Variants in AKT3 observed in about 807,000 individuals in gnomAD.
The protein encoded by AKT3 is AKT serine/threonine kinase 3.
A neutral mutation model predicts 65.3 loss-of-function variants in AKT3; 15 were observed. That is an observed-to-expected ratio of 0.23 (90% CI 0.15 to 0.35). The LOEUF (loss-of-function observed/expected upper bound fraction) is 0.35, where lower values mean the gene tolerates loss of function less well. AKT3 is among the 10% of genes least tolerant of loss of function. AKT3 has a pLI of 1.00. For synonymous variants in AKT3, 206 were observed against 183.8 expected (o/e 1.12, Z -0.98); for missense variants, 243 against 576.5 (o/e 0.42, Z 5.92).
At chr1:243,776,433 C>G (rs1690552506) in intron 2 of AKT3, among the ~76,000 whole-genome samples, 1 of 152,038 alleles carries the variant, frequency 6.6e-6, no homozygotes. Flanking sequence ...GGGCCCTCAC[C>G]CTCATAAGAG....
intron 1 of AKT3, among the ~76,000 whole-genome samples, chr1:243,848,646 T>C (rs2148488209): frequency 6.6e-6 from 1 of 152,330 alleles, no homozygotes; most frequent in South Asian, 2.1e-4. Flanking sequence ...AAGACATATA[T>C]GACCATGCTT....
At chr1:243,621,085 T>A (rs1225854113) in intron 6 of AKT3, among the ~76,000 whole-genome samples, 1 of 152,142 alleles carries the variant, frequency 6.6e-6, no homozygotes, top group African/African-American at 2.4e-5. Context: ...GATGGTTGTT[T>A]CAAATCTTTC....
chr1:243,848,816 ACTTT>A (rs1337706884), intron 1 of AKT3, among the ~76,000 whole-genome samples: 4 of 152,250 alleles, frequency 2.6e-5, no homozygotes, highest in Admixed American at 2.6e-4. Context: ...TTCACTGTTG[ACTTT>A]CTATTTGGAA....
chr1:243,556,371 A>G (rs937776553), intron 10 of AKT3, among the ~76,000 whole-genome samples: 2 of 151,978 alleles, frequency 1.3e-5, no homozygotes, highest in Non-Finnish European at 2.9e-5. Context: ...GTAAATATTT[A>G]TTTGGCTAAT....
chr1:243,716,149 T>C (rs1254183009), intron 2 of AKT3, among the ~76,000 whole-genome samples: 3 of 152,144 alleles, frequency 2.0e-5, no homozygotes, highest in Non-Finnish European at 4.4e-5. Context: ...AGAATTCTTC[T>C]TCATATAATC....
chr1:243,603,534 T>C (rs1254293705), intron 8 of AKT3, among the ~76,000 whole-genome samples: 1 of 152,212 alleles, frequency 6.6e-6, no homozygotes, highest in Non-Finnish European at 1.5e-5. Context: ...TACTCTGGCA[T>C]TTCCAGGCAC....
intron 2 of AKT3, among the ~76,000 whole-genome samples, chr1:243,710,009 A>G (rs1259757274): frequency 6.6e-6 from 1 of 152,176 alleles, no homozygotes; most frequent in Non-Finnish European, 1.5e-5. Context: ...AACACATTAA[A>G]AAATTTAAGC....
chr1:243,672,735 T>C (rs564396763), intron 3 of AKT3, among the ~76,000 whole-genome samples: 1 of 152,338 alleles, frequency 6.6e-6, no homozygotes, highest in East Asian at 1.9e-4. Context: ...TTTTTCTTCT[T>C]TGAATATGGT....
intron 2 of AKT3, among the ~76,000 whole-genome samples, chr1:243,809,755 T>TA (rs1177557021): frequency 1.3e-5 from 2 of 152,206 alleles, no homozygotes; most frequent in Non-Finnish European, 2.9e-5. Context: ...ACACTACACT[T>TA]ATTCCAAAAT....
intron 13 of AKT3, among the ~76,000 whole-genome samples, chr1:243,508,354 G>A (rs1669801228): frequency 6.6e-6 from 1 of 152,244 alleles, no homozygotes; most frequent in South Asian, 2.1e-4. Flanking sequence ...CCAGTGCTGA[G>A]CGCTGCGCTC....
rs1679040606 is a variant in AKT3 at position 243,624,968 on chromosome 1, C to T, written c.562-9807G>A. 4.1e-5 allele frequency: 13 copies of T among 314,958 alleles called. No homozygotes were observed. In the South Asian group the frequency reaches 4.6e-4, roughly 11 times the overall value. 19.5% of individuals were successfully genotyped at this position (314,958 alleles called of 1,614,324 possible). A position where few individuals can be genotyped will look rare whatever the true frequency, so the allele number is the denominator to read the frequency against. ...TTGGTTTGTCCACATTTCCCACCTG[C>T]CTAGTGACAAAGCCCATCCCTAGAG... On this transcript the variant is annotated intron_variant, in intron 6 of 13. Transcript: ENST00000673466.
In AKT3 at chr1:243,614,982, C is replaced by T. The variant is rs114952562; in HGVS notation, c.627+114G>A. ...TAAGAAATTTGACTTACGTTCTTTCCACAAAGAAAATGAGATATCTAAATG... is the reference window on the plus strand; with the variant it reads ...TAAGAAATTTGACTTACGTTCTTTCTACAAAGAAAATGAGATATCTAAATG... On this transcript the variant is annotated intron_variant, in intron 7 of 13. Transcript: ENST00000673466. 3,051 of 802,448 alleles carry T rather than the reference C, an allele frequency of 3.8e-3. 53 individuals carry two copies. In the African/African-American group the frequency reaches 0.042, roughly 11 times the overall value. The allele number at this position is 802,448 out of a possible 1,614,324, so 49.7% of individuals were successfully genotyped here. A position where few individuals can be genotyped will look rare whatever the true frequency, so the allele number is the denominator to read the frequency against.
At chr1:243,598,810 G>A (rs1466244725) in intron 8 of AKT3, among the ~76,000 whole-genome samples, 1 of 152,108 alleles carries the variant, frequency 6.6e-6, no homozygotes, top group African/African-American at 2.4e-5. Context: ...TATTTATTGG[G>A]TTTATTTTGT....
chr1:243,603,094 A>G (rs1351763652), intron 8 of AKT3, among the ~76,000 whole-genome samples: 1 of 152,208 alleles, frequency 6.6e-6, no homozygotes, highest in African/African-American at 2.4e-5. Flanking sequence ...GTAACATTTA[A>G]GGAATAAAAA....
chr1:243,672,432 C>T lies in AKT3; in HGVS notation c.173-7549G>A, dbSNP rs762526552. On this transcript the variant is annotated intron_variant, in intron 3 of 13. Coordinates refer to ENST00000673466, the MANE Select transcript of AKT3 (RefSeq NM_005465.7). ...TAGTTATTTTTGTCTGAACCATTTG[C>T]GTTTTATCACCCAAACTCAACATAT... 1.6e-4 allele frequency among the ~76,000 whole-genome samples: 25 copies of T among 152,166 alleles called. 1 individual carries two copies. The highest frequency in any genetic ancestry group is 3.2e-4 in the Non-Finnish European group (22 of 68,026).
intron 2 of AKT3, among the ~76,000 whole-genome samples, chr1:243,782,086 T>C (rs915972327): frequency 6.6e-6 from 1 of 152,174 alleles, no homozygotes; most frequent in African/African-American, 2.4e-5. Flanking sequence ...CCTCTCAAGG[T>C]GCTGGGATTA....
intron 4 of AKT3, among the ~76,000 whole-genome samples, chr1:243,660,992 A>G (rs1225132353): frequency 2.0e-5 from 3 of 152,204 alleles, no homozygotes; most frequent in Non-Finnish European, 2.9e-5. Context: ...TAGGAATCCA[A>G]CTTACAAGGG....
At chr1:243,764,729 G>A (rs1046194162) in intron 2 of AKT3, among the ~76,000 whole-genome samples, 2 of 151,960 alleles carry the variant, frequency 1.3e-5, no homozygotes, top group African/African-American at 2.4e-5. Context: ...TCATTAGAAA[G>A]GTGCCCCATA....
intron 2 of AKT3, among the ~76,000 whole-genome samples, chr1:243,771,698 G>A (rs533686068): frequency 6.6e-6 from 1 of 151,874 alleles, no homozygotes; most frequent in African/African-American, 2.4e-5. Flanking sequence ...TACCACAAAA[G>A]GTTCAAGTAA....
Sources: gnomAD v4.1 joint callset for allele counts (sites outside exome capture counted in the v4.1 genomes callset) on GRCh38, gnomAD v4.1.1 for gene constraint, MANE v1.5 for transcripts, NCBI Gene and HGNC (gene_info 2026-07-23, HGNC 2026-07-21) for gene names.